The following RAPGEF4 variants were observed in gnomAD, a reference collection of about 807,000 sequenced individuals.
RAPGEF4 encodes RAP guanine-nucleotide-exchange factor (GEF) 4.
Under a neutral mutation model 147.9 loss-of-function variants are expected in RAPGEF4, and 66 were observed. The ratio of observed to expected loss-of-function variants is 0.45; its 90% confidence interval spans 0.37 to 0.55. The LOEUF (loss-of-function observed/expected upper bound fraction) is 0.55, where lower values mean the gene tolerates loss of function less well. Among genes scored for constraint, RAPGEF4 ranks in the 20% least tolerant of loss-of-function variants. RAPGEF4 has a pLI of 0.00. For synonymous variants in RAPGEF4, 419 were observed against 442.7 expected, an observed-to-expected ratio of 0.95 and a Z score of 0.67; for missense variants, 1,071 against 1,257.3, an observed-to-expected ratio of 0.85 and a Z score of 2.24.
In RAPGEF4 at chr2:172,782,543, G is replaced by A. The variant is rs1242160690; in HGVS notation, c.66-12482G>A. Among the ~76,000 whole-genome samples the A allele has an allele frequency of 2.0e-5, 3 of 152,076 alleles. No homozygotes were observed. The East Asian group carries it at 5.8e-4, about 29-fold the overall frequency. ...CTCCGTGGGCTCTCCTACTATTTAG[G>A]GGCAACAGTGGCAATTTTTTAACAG... On this transcript the variant is annotated intron_variant, in intron 1 of 30. Coordinates refer to ENST00000397081, the MANE Select transcript of RAPGEF4 (RefSeq NM_007023.4).
At chr2:172,854,862 C>T (rs1228639146) in intron 4 of RAPGEF4, among the ~76,000 whole-genome samples, 2 of 152,152 alleles carry the variant, frequency 1.3e-5, no homozygotes, top group Non-Finnish European at 2.9e-5. Context: ...GAAAGAGCCT[C>T]AGACTGCAGC....
chr2:172,837,224 C>T (rs1004336025), intron 4 of RAPGEF4, among the ~76,000 whole-genome samples: 12 of 152,074 alleles, frequency 7.9e-5, no homozygotes, highest in African/African-American at 2.9e-4. Context: ...TTGCTATGGG[C>T]TTGTCATTAT....
intron 1 of RAPGEF4, among the ~76,000 whole-genome samples, chr2:172,794,347 C>A (rs1251307241): frequency 9.7e-4 from 99 of 101,788 alleles, no homozygotes; most frequent in East Asian, 1.3e-3. Flanking sequence ...AACTCCATCT[C>A]AAAAAAAAAA....
intron 4 of RAPGEF4, among the ~76,000 whole-genome samples, chr2:172,916,483 G>C (rs1467525340): frequency 6.6e-6 from 1 of 152,116 alleles, no homozygotes; most frequent in African/African-American, 2.4e-5. Flanking sequence ...TGAAGAAGAA[G>C]AAGAGTAGAT....
chr2:172,801,458 A>T (rs900213107), intron 3 of RAPGEF4, among the ~76,000 whole-genome samples: 1 of 151,990 alleles, frequency 6.6e-6, no homozygotes, highest in African/African-American at 2.4e-5. Context: ...TAGGTTTCAG[A>T]CCCTCAGTGG....
At chr2:172,803,338 G>C (rs1687160840) in intron 3 of RAPGEF4, among the ~76,000 whole-genome samples, 1 of 152,202 alleles carries the variant, frequency 6.6e-6, no homozygotes. Flanking sequence ...CTTGACTTCT[G>C]TACATCTGCA....
At chr2:172,798,369 C>T (rs987748986) in intron 3 of RAPGEF4, among the ~76,000 whole-genome samples, 1 of 152,104 alleles carries the variant, frequency 6.6e-6, no homozygotes. Context: ...CTTGCTCTGT[C>T]ATTAAGACAA....
At chr2:172,772,738 C>T (rs1368239210) in intron 1 of RAPGEF4, among the ~76,000 whole-genome samples, 1 of 152,194 alleles carries the variant, frequency 6.6e-6, no homozygotes, top group African/African-American at 2.4e-5. Flanking sequence ...AATAACCAAG[C>T]GTGTGCTTTG....
At position 173,001,329 on chromosome 2, in the gene RAPGEF4, C is replaced by A; in HGVS notation, c.1643C>A (p.Pro548Gln). The A allele has an allele frequency of 2.5e-6, 4 of 1,613,972 alleles. 1 individual carries two copies. Among genetic ancestry groups the A allele is most frequent in the Middle Eastern group, 3.3e-4 (2 of 6,062 alleles). The change falls in exon 17 of 31, where the codon CCG becomes CAG. Residue 548 changes from proline (P) to glutamine (Q), a missense_variant. Transcript: ENST00000397081. ...CVFMPNTQLC[P>Q]ALVAHYHAQP... ...TTTATGCCAAATACCCAGCTTTGCCCGGCACTGGTGGCCCAATATCCTTTT... is the reference window on the plus strand; with the variant it reads ...TTTATGCCAAATACCCAGCTTTGCCAGGCACTGGTGGCCCAATATCCTTTT...
intron 17 of RAPGEF4, among the ~76,000 whole-genome samples, chr2:173,002,893 A>AT (rs1416492405): frequency 3.9e-5 from 6 of 152,208 alleles, no homozygotes; most frequent in Non-Finnish European, 1.5e-5. Flanking sequence ...CACATACTCA[A>AT]TTTTTCTCGA....
At chr2:172,844,322 C>A (rs1015381461) in intron 4 of RAPGEF4, among the ~76,000 whole-genome samples, 1 of 152,166 alleles carries the variant, frequency 6.6e-6, no homozygotes, top group African/African-American at 2.4e-5. Flanking sequence ...CAGGGTTAAG[C>A]CTCTTCGGCC....
At chr2:172,911,957 A>G (rs1485527233) in intron 4 of RAPGEF4, among the ~76,000 whole-genome samples, 1 of 151,482 alleles carries the variant, frequency 6.6e-6, no homozygotes, top group African/African-American at 2.4e-5. Flanking sequence ...TGTAGAGATG[A>G]GGTCTGGCTA....
In RAPGEF4 at chr2:172,750,322, G is replaced by T. The variant is rs573632763; in HGVS notation, c.65+14274G>T. 1.1e-3 allele frequency among the ~76,000 whole-genome samples: 162 copies of T among 152,078 alleles called. 1 individual carries two copies. In the South Asian group the frequency reaches 0.031, roughly 29 times the overall value. On this transcript the variant is annotated intron_variant, in intron 1 of 30. Transcript: ENST00000397081. Reference sequence around the variant, plus strand: ...ATGGACTCACAATTCCACGTGGCTGGGGAGGCCTCACAATCATGGCAGAAG... The same window carrying T: ...ATGGACTCACAATTCCACGTGGCTGTGGAGGCCTCACAATCATGGCAGAAG...
chr2:172,736,103 CT>C, intron 1 of RAPGEF4, 55 bp downstream of exon 1: 1 of 1,349,316 alleles, frequency 7.4e-7, no homozygotes, highest in Non-Finnish European at 9.6e-7. Context: ...TGCCCGGGCC[CT>C]GAGACCGCCG....
chr2:173,020,627 T>C lies in RAPGEF4; in HGVS notation c.2165T>C (p.Val722Ala). ...VKMSSGGEKV[V>A]LKPNDVSVFT... is the part of the protein sequence containing the mutation. ...CTTTTTATGTTCACAGAAAAGGTGG[T>C]GCTCAAACCTAATGATGTTTCAGTA... The change falls in exon 23 of 31, where the codon GTG becomes GCG. Residue 722 changes from valine (V) to alanine (A), a missense_variant. Transcript: ENST00000397081. The C allele has an allele frequency of 6.2e-7, 1 of 1,612,810 alleles. No individual in the cohort carries two copies. The highest frequency in any genetic ancestry group is 1.3e-5 in the African/African-American group (1 of 74,996).
At chr2:172,973,571 G>A (rs758493317) in intron 10 of RAPGEF4, among the ~76,000 whole-genome samples, 10 of 152,314 alleles carry the variant, frequency 6.6e-5, no homozygotes, top group Admixed American at 4.6e-4. Flanking sequence ...GGGAGTGACC[G>A]GACAGGAGCA....
intron 29 of RAPGEF4, among the ~76,000 whole-genome samples, chr2:173,040,811 T>G (rs1684670089): frequency 6.6e-6 from 1 of 152,118 alleles, no homozygotes; most frequent in South Asian, 2.1e-4. Context: ...TTCTTTTATT[T>G]GGGGGGAACA....
chr2:172,777,713 C>T (rs1684310718), intron 1 of RAPGEF4, among the ~76,000 whole-genome samples: 1 of 151,796 alleles, frequency 6.6e-6, no homozygotes, highest in Non-Finnish European at 1.5e-5. Flanking sequence ...GACTGCCATG[C>T]TCTGTTTGAG....
chr2:172,793,693 G>T (rs542672718), intron 1 of RAPGEF4, among the ~76,000 whole-genome samples: 1 of 152,102 alleles, frequency 6.6e-6, no homozygotes, highest in African/African-American at 2.4e-5. Flanking sequence ...TCAAAGAAAA[G>T]AAAAAAATAG....
Sources: gnomAD v4.1 joint callset for allele counts (sites outside exome capture counted in the v4.1 genomes callset) on GRCh38, gnomAD v4.1.1 for gene constraint, MANE v1.5 for transcripts, NCBI Gene and HGNC (gene_info 2026-07-23, HGNC 2026-07-21) for gene names.